The following CNST variants were observed in gnomAD, a reference collection of about 807,000 sequenced individuals.
CNST encodes consortin, connexin sorting protein, also known as consortin.
CNST carries 39 observed loss-of-function variants against 72.4 expected under a neutral mutation model. The ratio of observed to expected loss-of-function variants is 0.54; its 90% CI spans 0.42 to 0.70. The LOEUF is 0.70. Ranked by LOEUF, CNST falls within the 30% of genes least tolerant of loss-of-function variation. CNST has a pLI of 0.00. For synonymous variants in CNST, 332 were observed against 320.1 expected (o/e 1.04, Z -0.40); for missense variants, 871 against 868.5 (o/e 1.00, Z -0.04).
intron 6 of CNST, among the ~76,000 whole-genome samples, chr1:246,636,410 G>A (rs1665244200): frequency 6.6e-6 from 1 of 152,114 alleles, no homozygotes; most frequent in African/African-American, 2.4e-5. Flanking sequence ...CCATGCCACG[G>A]CCACTGTTCA....
At chr1:246,645,424 C>CT (rs1553384186) in intron 8 of CNST, among the ~76,000 whole-genome samples, 23,567 of 105,534 alleles carry the variant, frequency 0.22, 3,869 homozygotes, top group Non-Finnish European at 0.32. Context: ...AAGGTTAAAA[C>CT]TTTTTTTTTT....
rs190343988 is a variant in CNST at position 246,659,935 on chromosome 1, C to T, written c.1837-264C>T. Reference sequence around the variant, plus strand: ...AAAGCAAGGTGTTCTGATTTCCAGTCGACTGAACACGTCATGCTGCCTGTC... The same window carrying T: ...AAAGCAAGGTGTTCTGATTTCCAGTTGACTGAACACGTCATGCTGCCTGTC... On this transcript the variant is annotated intron_variant, in intron 9 of 10. Coordinates refer to ENST00000366513, the MANE Select transcript of CNST (RefSeq NM_152609.3). Among the ~76,000 whole-genome samples the T allele has an allele frequency of 3.3e-4, 50 of 152,232 alleles. 1 individual carries two copies. The South Asian group carries it at 1.0e-2, about 30-fold the overall frequency.
chr1:246,591,424 A>G (rs1661534330), intron 1 of CNST, 88 bp from the exon 2 acceptor site: 1 of 960,046 alleles, frequency 1.0e-6, no homozygotes, highest in South Asian at 1.7e-5. Flanking sequence ...TTACAATGAA[A>G]CAACCTAAGA....
chr1:246,611,581 G>T (rs1482032006), intron 2 of CNST, among the ~76,000 whole-genome samples: 2 of 152,172 alleles, frequency 1.3e-5, no homozygotes, highest in Non-Finnish European at 2.9e-5. Flanking sequence ...TCTTTGGGAA[G>T]TAATATTATC....
Position 246,617,751 on chromosome 1 carries a change from A to G in CNST, c.380-3678A>G, listed in dbSNP as rs114772776. On this transcript the variant is annotated intron_variant, in intron 2 of 10. Transcript: ENST00000366513. ...TTTACCCCATTAATGCTGTGAAACT[A>G]AGAACACCATATTTTAAGTGGCTTA... is the stretch of plus-strand genomic sequence containing the variant. Among the ~76,000 whole-genome samples, 1,489 of 152,352 alleles carry G rather than the reference A, an allele frequency of 9.8e-3. 22 individuals are homozygous for G. The highest frequency in any genetic ancestry group is 0.034 in the African/African-American group (1,407 of 41,580).
chr1:246,656,714 G>A (rs974570675), intron 9 of CNST, among the ~76,000 whole-genome samples: 1 of 152,142 alleles, frequency 6.6e-6, no homozygotes, highest in Non-Finnish European at 1.5e-5. Flanking sequence ...GGTTGCTTGA[G>A]CCCAGGAGTT....
intron 1 of CNST, among the ~76,000 whole-genome samples, chr1:246,582,669 C>G (rs529882640): frequency 1.3e-5 from 2 of 152,106 alleles, no homozygotes; most frequent in African/African-American, 4.8e-5. Flanking sequence ...TTATCAGGCT[C>G]GTCACTACTT....
chr1:246,610,535 GATGTCTTTGTATTGAAA>G (rs764061790), intron 2 of CNST, among the ~76,000 whole-genome samples: 7 of 152,128 alleles, frequency 4.6e-5, no homozygotes, highest in Non-Finnish European at 1.0e-4. Context: ...TATGCTTGGT[GATGTCTTTGTATTGAAA>G]ACCGGACATT....
intron 2 of CNST, among the ~76,000 whole-genome samples, chr1:246,621,197 G>T (rs1407636993): frequency 1.3e-5 from 2 of 152,182 alleles, no homozygotes; most frequent in Non-Finnish European, 2.9e-5. Flanking sequence ...TCTGGCATCT[G>T]AATTCCTGCT....
intron 3 of CNST, among the ~76,000 whole-genome samples, chr1:246,623,554 C>T (rs1032171957): frequency 6.6e-6 from 1 of 152,056 alleles, no homozygotes; most frequent in African/African-American, 2.4e-5. Context: ...AAGTTCAAGA[C>T]CAGCCTGGCC....
chr1:246,664,726 T>C (rs1667317674), intron 10 of CNST, among the ~76,000 whole-genome samples: 1 of 152,182 alleles, frequency 6.6e-6, no homozygotes, highest in Non-Finnish European at 1.5e-5. Context: ...ACACCCAGCC[T>C]TAACACTGTC....
intron 3 of CNST, among the ~76,000 whole-genome samples, chr1:246,629,004 C>G (rs542041975): frequency 6.6e-6 from 1 of 152,306 alleles, no homozygotes; most frequent in East Asian, 1.9e-4. Flanking sequence ...GATACATAGT[C>G]TCTCTGTTTT....
At chr1:246,660,175 A>G (rs1217948200) in intron 9 of CNST, 24 bp from the exon 10 acceptor site, 1 of 1,588,894 alleles carries the variant, frequency 6.3e-7, no homozygotes, top group Non-Finnish European at 8.6e-7. Context: ...TAAAAGAATT[A>G]TAGGTTCTTA....
At chr1:246,651,255 C>T (rs1317374356) in intron 9 of CNST, among the ~76,000 whole-genome samples, 3 of 146,814 alleles carry the variant, frequency 2.0e-5, no homozygotes, top group African/African-American at 8.2e-5. Flanking sequence ...AATGAGTCTG[C>T]CCCCTCCACC....
intron 1 of CNST, among the ~76,000 whole-genome samples, chr1:246,588,242 C>T (rs1039678514): frequency 2.0e-5 from 3 of 151,804 alleles, no homozygotes; most frequent in African/African-American, 4.8e-5. Context: ...GGCCGTTTTA[C>T]TAGTTTTAAT....
At chr1:246,655,758 C>G (rs1452825684) in intron 9 of CNST, among the ~76,000 whole-genome samples, 2 of 152,144 alleles carry the variant, frequency 1.3e-5, no homozygotes, top group Non-Finnish European at 2.9e-5. Context: ...TCAAACTCTA[C>G]CAGCTACTGG....
intron 2 of CNST, among the ~76,000 whole-genome samples, chr1:246,614,341 G>A (rs566575497): frequency 6.6e-6 from 1 of 152,080 alleles, no homozygotes; most frequent in Admixed American, 6.6e-5. Flanking sequence ...TCTCCCTGTG[G>A]CATCTTGTCA....
At chr1:246,602,908 T>TA (rs1368998594) in intron 2 of CNST, among the ~76,000 whole-genome samples, 1 of 151,826 alleles carries the variant, frequency 6.6e-6, no homozygotes, top group Non-Finnish European at 1.5e-5. Flanking sequence ...TTTTTTTTTT[T>TA]TATGATTTCA....
intron 2 of CNST, among the ~76,000 whole-genome samples, chr1:246,599,928 A>G (rs1662157808): frequency 6.6e-6 from 1 of 152,198 alleles, no homozygotes; most frequent in African/African-American, 2.4e-5. Context: ...TCAGTTTTGT[A>G]TGCTCAAGTG....
Sources: allele counts gnomAD v4.1 joint callset (sites outside exome capture counted in the v4.1 genomes callset), GRCh38; gene constraint gnomAD v4.1.1; transcripts MANE v1.5; gene names NCBI Gene and HGNC (gene_info 2026-07-23, HGNC 2026-07-21).